Variants in RNFT2 observed in about 807,000 individuals in gnomAD.
RNFT2 encodes E3 ubiquitin-protein ligase RNFT2.
In RNFT2, 36 loss-of-function variants were observed where a neutral mutation model predicts 53.0. The observed-to-expected ratio is 0.68, with a 90% CI of 0.52 to 0.90. RNFT2 has a LOEUF of 0.90. Among genes scored for constraint, RNFT2 ranks in the 40% least tolerant of loss-of-function variants. RNFT2 has a pLI of 0.00. For missense variants in RNFT2, 514 were observed against 585.6 expected (o/e 0.88, Z 1.26); for synonymous variants, 260 against 253.2 (o/e 1.03, Z -0.26).
chr12:116,847,281 CA>C (rs1174888627), intron 10 of RNFT2, among the ~76,000 whole-genome samples: 1 of 152,130 alleles, frequency 6.6e-6, no homozygotes, highest in Non-Finnish European at 1.5e-5. Flanking sequence ...CAGTTGCCTT[CA>C]AAGTGCCCTT....
At chr12:116,769,878 T>A (rs1225266925) in intron 6 of RNFT2, among the ~76,000 whole-genome samples, 2 of 151,780 alleles carry the variant, frequency 1.3e-5, no homozygotes, top group Non-Finnish European at 2.9e-5. Context: ...CTAAAAAAAA[T>A]ACCAAAATTA....
intron 7 of RNFT2, among the ~76,000 whole-genome samples, chr12:116,829,431 G>A (rs1876518854): frequency 6.6e-6 from 1 of 152,164 alleles, no homozygotes; most frequent in Non-Finnish European, 1.5e-5. Context: ...GTCAGGAGGG[G>A]AAAGGAGGGC....
At position 116,749,298 on chromosome 12, in the gene RNFT2, T is replaced by C. The variant is rs954699231; in HGVS notation, c.84-543T>C. On this transcript the variant is annotated intron_variant, in intron 3 of 10. Coordinates refer to ENST00000257575, the MANE Select transcript of RNFT2 (RefSeq NM_001382266.1). ...CCTCTTTCCCCCCCCACCACCCCTT[T>C]TGAGACAGGCTCTCTGTCGCCCAGG... 1.7e-5 allele frequency among the ~76,000 whole-genome samples: 2 copies of C among 119,108 alleles called. 1 individual carries two copies. Among genetic ancestry groups the C allele is most frequent in the African/African-American group, 6.2e-5 (2 of 32,308 alleles). 78.1% of individuals were successfully genotyped at this position (119,108 alleles called of 152,430 possible). A position where few individuals can be genotyped will look rare whatever the true frequency, so the allele number is the denominator to read the frequency against.
chr12:116,823,519 A>G (rs1284759627), intron 7 of RNFT2, among the ~76,000 whole-genome samples: 1 of 152,206 alleles, frequency 6.6e-6, no homozygotes, highest in Non-Finnish European at 1.5e-5. Context: ...CCCTGTCTCT[A>G]CTAAAAATAT....
intron 7 of RNFT2, among the ~76,000 whole-genome samples, chr12:116,818,471 GC>G (rs2137176684): frequency 6.6e-6 from 1 of 152,228 alleles, no homozygotes; most frequent in South Asian, 2.1e-4. Flanking sequence ...GTCGTTCCTG[GC>G]TGTGTATGTT....
At chr12:116,832,631 C>T (rs573405961) in intron 7 of RNFT2, among the ~76,000 whole-genome samples, 134 of 152,246 alleles carry the variant, frequency 8.8e-4, no homozygotes, top group African/African-American at 3.0e-3. Context: ...TTAGACACTA[C>T]AGAGTGGGTG....
At chr12:116,774,952 G>A (rs903592019) in intron 6 of RNFT2, among the ~76,000 whole-genome samples, 1 of 151,768 alleles carries the variant, frequency 6.6e-6, no homozygotes, top group Non-Finnish European at 1.5e-5. Flanking sequence ...GAGAGAGAGA[G>A]AGAGAGAAGC....
chr12:116,829,333 C>T lies in RNFT2; in HGVS notation c.883-4459C>T, dbSNP rs1448552834. 3.3e-5 allele frequency among the ~76,000 whole-genome samples: 5 copies of T among 152,126 alleles called. No homozygotes were observed. In the East Asian group the frequency reaches 9.6e-4, roughly 29 times the overall value. The stretch of plus-strand genomic sequence containing the variant: ...CGGCCACCCCCTACATCTCTGTACT[C>T]CAGTCACCCCCCATCTTCCCAAAAG... On this transcript the variant is annotated intron_variant, in intron 7 of 10. Transcript: ENST00000257575.
intron 7 of RNFT2, among the ~76,000 whole-genome samples, chr12:116,824,703 TTGTCTTCTCAC>T (rs2137187458): frequency 6.6e-6 from 1 of 152,306 alleles, no homozygotes; most frequent in Non-Finnish European, 1.5e-5. Flanking sequence ...TTGCAGAAGG[TTGTCTTCTCAC>T]TGTGTCCTCA....
rs190161021 is a variant in RNFT2, at chr12:116,749,865, C to T, written c.108C>T (p.Ser36=). Residue 36 remains serine, a synonymous_variant, in exon 4 of 11, where the codon TCC becomes TCT. Coordinates refer to ENST00000257575, the MANE Select transcript of RNFT2 (RefSeq NM_001382266.1). ...PERNRSQALS[S]EASVDEGGVF... ...GAAACCGCAGCCAGGCGCTCAGCTC[C>T]GAGGCGAGTGTGGATGAAGGTGGCG... 7.2e-5 allele frequency: 114 copies of T among 1,584,428 alleles called. No homozygotes were observed. The East Asian group carries it at 2.5e-3, about 35-fold the overall frequency.
chr12:116,749,467 A>G (rs1872070167), intron 3 of RNFT2, among the ~76,000 whole-genome samples: 1 of 151,982 alleles, frequency 6.6e-6, no homozygotes, highest in African/African-American at 2.4e-5. Flanking sequence ...TCTTGTAAAG[A>G]TGGGGTCTCC....
At chr12:116,775,261 C>CAAA (rs5801198) in intron 6 of RNFT2, among the ~76,000 whole-genome samples, 10 of 116,668 alleles carry the variant, frequency 8.6e-5, no homozygotes, top group Non-Finnish European at 1.0e-4. Context: ...ACTCCCGTCT[C>CAAA]AAAAAAAAAA....
At chr12:116,741,309 A>G (rs1871598994) in intron 3 of RNFT2, among the ~76,000 whole-genome samples, 1 of 152,244 alleles carries the variant, frequency 6.6e-6, no homozygotes, top group Admixed American at 6.5e-5. Flanking sequence ...GACTCATTGT[A>G]TCAATGAATG....
intron 10 of RNFT2, among the ~76,000 whole-genome samples, chr12:116,849,017 A>G (rs1340434295): frequency 2.6e-5 from 4 of 151,808 alleles, no homozygotes; most frequent in Admixed American, 6.6e-5. Flanking sequence ...ACTGGTTTTC[A>G]CCATGTTGGC....
chr12:116,835,587 G>A (rs759828459), intron 8 of RNFT2, among the ~76,000 whole-genome samples: 2 of 152,164 alleles, frequency 1.3e-5, no homozygotes, highest in Non-Finnish European at 2.9e-5. Flanking sequence ...CTGATTACTT[G>A]CTGGTTCTGA....
intron 7 of RNFT2, among the ~76,000 whole-genome samples, chr12:116,818,976 A>G (rs1875843958): frequency 6.6e-6 from 1 of 152,214 alleles, no homozygotes; most frequent in Non-Finnish European, 1.5e-5. Context: ...CAAAGGGCTC[A>G]TTCACATCAT....
At chr12:116,812,478 A>G (rs11833612) in intron 7 of RNFT2, among the ~76,000 whole-genome samples, 7,032 of 151,672 alleles carry the variant, frequency 0.046, 352 homozygotes, top group East Asian at 0.14. Context: ...AGGTGAGGCC[A>G]GGAGGTGGCG....
chr12:116,818,176 T>C (rs1333178889), intron 7 of RNFT2, among the ~76,000 whole-genome samples: 1 of 152,044 alleles, frequency 6.6e-6, no homozygotes, highest in Middle Eastern at 3.2e-3. Context: ...TAAAAAATTA[T>C]CTGGGGCATG....
chr12:116,800,268 G>A (rs898139545), intron 7 of RNFT2, among the ~76,000 whole-genome samples: 17 of 149,748 alleles, frequency 1.1e-4, no homozygotes, highest in African/African-American at 3.2e-4. Flanking sequence ...AGGCCAGGGC[G>A]GGCAGATCAT....
Sources: gnomAD v4.1 joint callset for allele counts (sites outside exome capture counted in the v4.1 genomes callset) on GRCh38, gnomAD v4.1.1 for gene constraint, MANE v1.5 for transcripts, NCBI Gene and HGNC (gene_info 2026-07-23, HGNC 2026-07-21) for gene names.